CNTN5: variants seen among roughly 807,000 people sequenced by gnomAD.
CNTN5 encodes the protein contactin 5.
In CNTN5, 77 loss-of-function variants were observed where a neutral mutation model predicts 129.1. The ratio of observed to expected loss-of-function variants is 0.60; its 90% CI spans 0.50 to 0.72. The LOEUF (loss-of-function observed/expected upper bound fraction) is 0.72, where lower values mean the gene tolerates loss of function less well. Among genes scored for constraint, CNTN5 ranks in the 30% least tolerant of loss-of-function variants. CNTN5 has a pLI of 0.00. For synonymous variants in CNTN5, 509 were observed against 465.6 expected (o/e 1.09, Z -1.20); for missense variants, 1,478 against 1,328.8 (o/e 1.11, Z -1.75).
intron 9 of CNTN5, among the ~76,000 whole-genome samples, chr11:100,059,700 G>A (rs1943383230): frequency 1.3e-5 from 2 of 152,046 alleles, no homozygotes; most frequent in South Asian, 4.1e-4. Flanking sequence ...TGCGATGCTG[G>A]CAAAGATATA....
chr11:99,973,149 G>A (rs773706360), intron 8 of CNTN5, among the ~76,000 whole-genome samples: 1 of 152,140 alleles, frequency 6.6e-6, no homozygotes, highest in Non-Finnish European at 1.5e-5. Flanking sequence ...GATGCAGTCA[G>A]TCTGAAGTGG....
intron 3 of CNTN5, among the ~76,000 whole-genome samples, chr11:99,614,774 C>G (rs1412655406): frequency 6.6e-6 from 1 of 151,968 alleles, no homozygotes; most frequent in East Asian, 1.9e-4. Context: ...AGTCCATTGC[C>G]TTATTTTTTT....
chr11:100,053,423 A>C (rs542179379), intron 9 of CNTN5, among the ~76,000 whole-genome samples: 1 of 151,880 alleles, frequency 6.6e-6, no homozygotes, highest in East Asian at 1.9e-4. Context: ...AACATAAAAA[A>C]TGAACCAAAG....
intron 2 of CNTN5, among the ~76,000 whole-genome samples, chr11:99,547,852 AT>A (rs1342040016): frequency 6.6e-6 from 1 of 152,230 alleles, no homozygotes; most frequent in African/African-American, 2.4e-5. Context: ...GGTTAAAGAC[AT>A]GGCTTCTGGA....
At chr11:99,097,077 T>C (rs1189404994) in intron 1 of CNTN5, among the ~76,000 whole-genome samples, 1 of 150,796 alleles carries the variant, frequency 6.6e-6, no homozygotes, top group Non-Finnish European at 1.5e-5. Flanking sequence ...TTAAAAAACA[T>C]TATTCAATCT....
intron 18 of CNTN5, among the ~76,000 whole-genome samples, chr11:100,293,094 T>C (rs141114169): frequency 3.8e-4 from 58 of 151,992 alleles, no homozygotes; most frequent in Admixed American, 7.9e-4. Context: ...GCTTTGTATA[T>C]ATTTCTTCTT....
At position 99,125,268 on chromosome 11, in the gene CNTN5, T is replaced by C. The variant is rs115394643; in HGVS notation, c.-210+103998T>C. ...AGAAAGCTAATGCATCATGATCAAG[T>C]AGACTTCATTCCTGGGACATAAGGT... On this transcript the variant is annotated intron_variant, in intron 1 of 24. Coordinates refer to ENST00000524871, the MANE Select transcript of CNTN5 (RefSeq NM_014361.4). Among the ~76,000 whole-genome samples the C allele has an allele frequency of 8.4e-3, 1,284 of 152,106 alleles. 22 individuals carry two copies. The highest frequency in any genetic ancestry group is 0.029 in the African/African-American group (1,193 of 41,514).
chr11:99,550,478 A>G (rs1948445996), intron 2 of CNTN5, among the ~76,000 whole-genome samples: 1 of 152,090 alleles, frequency 6.6e-6, no homozygotes, highest in Non-Finnish European at 1.5e-5. Flanking sequence ...TTCCAACCTT[A>G]TTCAGCCTTT....
chr11:99,845,626 C>A (rs1445536138), intron 6 of CNTN5, among the ~76,000 whole-genome samples: 1 of 152,030 alleles, frequency 6.6e-6, no homozygotes, highest in Non-Finnish European at 1.5e-5. Context: ...CCCGCCTCGG[C>A]CTCCCAAAGT....
chr11:100,306,889 T>C lies in CNTN5; in HGVS notation c.2621-1470T>C, dbSNP rs76244020. Among the ~76,000 whole-genome samples, 499 of 151,778 alleles carry C rather than the reference T, an allele frequency of 3.3e-3. 4 individuals are homozygous for C. Among genetic ancestry groups the C allele is most frequent in the African/African-American group, 0.011 (468 of 41,484 alleles). Reference sequence around the variant, plus strand: ...GAATGAGAAATTTCAACTTATACCATGGCAGGAATTAATGTCAGCTTCTGT... The same window carrying C: ...GAATGAGAAATTTCAACTTATACCACGGCAGGAATTAATGTCAGCTTCTGT... On this transcript the variant is annotated intron_variant, in intron 20 of 24. Transcript: ENST00000524871.
At chr11:99,515,785 A>G (rs1365885190) in intron 2 of CNTN5, among the ~76,000 whole-genome samples, 1 of 151,982 alleles carries the variant, frequency 6.6e-6, no homozygotes, top group East Asian at 1.9e-4. Flanking sequence ...AGATTTATAG[A>G]TGAAATAGGA....
rs929814633 is a variant in CNTN5 at position 100,069,221 on chromosome 11, C to T, written c.1163-1203C>T. Among the ~76,000 whole-genome samples, 4 of 152,120 alleles carry T rather than the reference C, an allele frequency of 2.6e-5. No homozygotes were observed. The South Asian group carries it at 8.3e-4, about 32-fold the overall frequency. On this transcript the variant is annotated intron_variant, in intron 10 of 24. Coordinates refer to ENST00000524871, the MANE Select transcript of CNTN5 (RefSeq NM_014361.4). ...AAAGTGGAATGCAATAGCATGATCA[C>T]GGCTCAGTGCAGCTTCAACCTCCCA... is the stretch of plus-strand genomic sequence containing the variant.
intron 3 of CNTN5, among the ~76,000 whole-genome samples, chr11:99,631,870 A>G (rs1951366917): frequency 6.6e-6 from 1 of 152,200 alleles, no homozygotes; most frequent in African/African-American, 2.4e-5. Context: ...ATAGGTGAAT[A>G]CAATACAAGT....
intron 1 of CNTN5, among the ~76,000 whole-genome samples, chr11:99,217,285 T>G (rs369292992): frequency 3.4e-3 from 523 of 152,276 alleles, no homozygotes; most frequent in African/African-American, 0.012. Flanking sequence ...CTTAAGACAT[T>G]TATCAAAAGA....
At chr11:99,358,493 G>A (rs1019567658) in intron 2 of CNTN5, among the ~76,000 whole-genome samples, 6 of 150,872 alleles carry the variant, frequency 4.0e-5, no homozygotes, top group Non-Finnish European at 8.9e-5. Context: ...CCTGGGAGGC[G>A]GAGGTTGCAG....
At chr11:99,814,574 TG>T (rs1170608317) in intron 3 of CNTN5, among the ~76,000 whole-genome samples, 1 of 149,732 alleles carries the variant, frequency 6.7e-6, no homozygotes, top group African/African-American at 2.5e-5. Flanking sequence ...AGAGTTAGCC[TG>T]GGAAAAAAAC....
At chr11:99,500,507 T>C (rs1164400925) in intron 2 of CNTN5, among the ~76,000 whole-genome samples, 1 of 152,158 alleles carries the variant, frequency 6.6e-6, no homozygotes, top group Non-Finnish European at 1.5e-5. Context: ...TTTATCAATT[T>C]CCTTTTTCTT....
At chr11:99,551,263 C>T (rs9971523) in intron 2 of CNTN5, among the ~76,000 whole-genome samples, 12,626 of 152,058 alleles carry the variant, frequency 0.083, 826 homozygotes, top group African/African-American at 0.18. Context: ...ATTAAGAATA[C>T]AGAATTAAAT....
chr11:99,825,149 G>A (rs1426105720), intron 4 of CNTN5, among the ~76,000 whole-genome samples: 1 of 151,952 alleles, frequency 6.6e-6, no homozygotes. Flanking sequence ...TGTGTGCTTA[G>A]GAGGAAAACA....
Sources: allele counts gnomAD v4.1 joint callset (sites outside exome capture counted in the v4.1 genomes callset), GRCh38; gene constraint gnomAD v4.1.1; transcripts MANE v1.5; gene names NCBI Gene and HGNC (gene_info 2026-07-23, HGNC 2026-07-21).